Variants in PDE4D observed in about 807,000 individuals in gnomAD.
The protein encoded by PDE4D is phosphodiesterase 4D, also known as 3',5'-cyclic-AMP phosphodiesterase 4D.
In PDE4D, 24 loss-of-function variants were observed where a neutral mutation model predicts 87.4. The ratio of observed to expected loss-of-function variants is 0.27; its 90% CI spans 0.20 to 0.39. The LOEUF (loss-of-function observed/expected upper bound fraction) is 0.39, where lower values mean the gene tolerates loss of function less well. PDE4D is among the 10% of genes least tolerant of loss of function. The probability of loss-of-function intolerance (pLI) is 1.00; values close to 1 mark genes in which losing one functional copy is unlikely to be tolerated. For synonymous variants in PDE4D, 384 were observed against 383.2 expected, an observed-to-expected ratio of 1.00 and a Z score of -0.02; for missense variants, 714 against 1,041.0, an observed-to-expected ratio of 0.69 and a Z score of 4.32.
intron 1 of PDE4D, among the ~76,000 whole-genome samples, chr5:59,649,926 T>G (rs916499533): frequency 6.6e-5 from 9 of 136,274 alleles, no homozygotes; most frequent in African/African-American, 2.2e-4. Context: ...TTTTTTTTTT[T>G]TTTTTTAGCA....
chr5:59,123,592 CTT>C (rs1185815929), intron 5 of PDE4D, among the ~76,000 whole-genome samples: 3 of 152,128 alleles, frequency 2.0e-5, no homozygotes, highest in Admixed American at 2.0e-4. Flanking sequence ...AGTTTCCTGC[CTT>C]GGATATTGGA....
At position 60,322,379 on chromosome 5, in the gene PDE4D, C is replaced by G. The variant is rs886565145; in HGVS notation, c.-89-136692G>C. 7.9e-4 allele frequency among the ~76,000 whole-genome samples: 80 copies of G among 100,954 alleles called. No homozygotes were observed. The East Asian group carries it at 0.015, about 19-fold the overall frequency. 66.2% of individuals were successfully genotyped at this position (100,954 alleles called of 152,430 possible). On this transcript the variant is annotated intron_variant, in intron 1 of 16. Transcript: ENST00000502484. ...ATATGGACACACATACACACACACA[C>G]ACACACACACACACACACACACACA...
In PDE4D at chr5:59,762,315, TGG is replaced by T. The variant is rs1276960467; in HGVS notation, c.455+130851_455+130852del. 6.6e-4 allele frequency among the ~76,000 whole-genome samples: 97 copies of T among 147,992 alleles called. 3 individuals carry two copies. The highest frequency in any genetic ancestry group is 2.4e-3 in the African/African-American group (91 of 38,438). Reference sequence around the variant, plus strand: ...GTATATGGGTACACATATGCGTATATGGGTACACATATGCGTATATGGGTACA... The same window carrying T: ...GTATATGGGTACACATATGCGTATATGTACACATATGCGTATATGGGTACA... On this transcript the variant is annotated intron_variant, in intron 1 of 14. Coordinates refer to ENST00000340635, the MANE Select transcript of PDE4D (RefSeq NM_001104631.2).
At chr5:59,130,499 G>T (rs1246741071) in intron 5 of PDE4D, among the ~76,000 whole-genome samples, 4 of 152,140 alleles carry the variant, frequency 2.6e-5, no homozygotes, top group Admixed American at 2.0e-4. Context: ...TTTCTCCTTT[G>T]CAGGAATCCA....
chr5:60,415,555 A>G (rs1193379227), intron 1 of PDE4D, among the ~76,000 whole-genome samples: 2 of 152,192 alleles, frequency 1.3e-5, no homozygotes. Context: ...TGGGAGCGGC[A>G]GGCCGGCCCC....
At chr5:59,509,327 T>C (rs1306660761) in intron 1 of PDE4D, among the ~76,000 whole-genome samples, 2 of 150,052 alleles carry the variant, frequency 1.3e-5, no homozygotes, top group Non-Finnish European at 3.0e-5. Context: ...AATAAGATAG[T>C]AAGAAAACCA....
chr5:60,353,643 G>T (rs1583502353), intron 1 of PDE4D, among the ~76,000 whole-genome samples: 1 of 152,174 alleles, frequency 6.6e-6, no homozygotes, highest in Non-Finnish European at 1.5e-5. Flanking sequence ...CTCCAGGGAA[G>T]ACTAAGAGAT....
chr5:59,709,498 T>C (rs1753903632), intron 1 of PDE4D, among the ~76,000 whole-genome samples: 4 of 152,180 alleles, frequency 2.6e-5, no homozygotes, highest in Non-Finnish European at 4.4e-5. Context: ...AGCTTCCAGA[T>C]AGCCAGAAAC....
At chr5:59,887,220 T>C (rs908368889) in intron 1 of PDE4D, among the ~76,000 whole-genome samples, 1 of 152,132 alleles carries the variant, frequency 6.6e-6, no homozygotes, top group African/African-American at 2.4e-5. Context: ...AAGCAAATTT[T>C]ATAGAGTTCT....
At chr5:59,698,813 T>C (rs1027486928) in intron 1 of PDE4D, among the ~76,000 whole-genome samples, 1 of 152,174 alleles carries the variant, frequency 6.6e-6, no homozygotes, top group Admixed American at 6.6e-5. Flanking sequence ...ACTACCTTCA[T>C]TAGCACAGAC....
intron 1 of PDE4D, among the ~76,000 whole-genome samples, chr5:59,494,047 C>G (rs1806695793): frequency 6.6e-6 from 1 of 152,180 alleles, no homozygotes; most frequent in East Asian, 1.9e-4. Context: ...TGGCTTTGAC[C>G]CTAGTAACCC....
chr5:59,079,184 C>T (rs1346414870), intron 5 of PDE4D, among the ~76,000 whole-genome samples: 1 of 152,038 alleles, frequency 6.6e-6, no homozygotes, highest in Non-Finnish European at 1.5e-5. Flanking sequence ...AGAAAGACAG[C>T]AAGACTAAGG....
intron 5 of PDE4D, among the ~76,000 whole-genome samples, chr5:59,051,863 AACG>A (rs1281132917): frequency 6.6e-6 from 1 of 152,186 alleles, no homozygotes; most frequent in East Asian, 1.9e-4. Context: ...AATCTCCACT[AACG>A]ACATTTTATT....
chr5:59,570,164 C>G (rs1271098412), intron 1 of PDE4D, among the ~76,000 whole-genome samples: 1 of 152,056 alleles, frequency 6.6e-6, no homozygotes, highest in African/African-American at 2.4e-5. Context: ...TACCTTCTAG[C>G]CTTGTCTTAT....
chr5:60,421,833 G>A (rs1330928404), intron 1 of PDE4D, among the ~76,000 whole-genome samples: 1 of 152,194 alleles, frequency 6.6e-6, no homozygotes, highest in Non-Finnish European at 1.5e-5. Context: ...AATAAACAGT[G>A]TAGAGAAGAC....
chr5:59,863,508 C>A (rs985356939), intron 1 of PDE4D, among the ~76,000 whole-genome samples: 3 of 152,080 alleles, frequency 2.0e-5, no homozygotes, highest in African/African-American at 7.2e-5. Flanking sequence ...CACCGAATAT[C>A]TTTTAACTTC....
intron 1 of PDE4D, among the ~76,000 whole-genome samples, chr5:59,786,633 G>A (rs992768349): frequency 2.6e-5 from 4 of 152,206 alleles, no homozygotes; most frequent in Non-Finnish European, 5.9e-5. Flanking sequence ...GCACAAAAAA[G>A]TCTCATTGCC....
chr5:59,783,091 T>C (rs536179786), intron 1 of PDE4D, among the ~76,000 whole-genome samples: 1 of 152,338 alleles, frequency 6.6e-6, no homozygotes, highest in South Asian at 2.1e-4. Flanking sequence ...AAACAATGTC[T>C]GAACACATCA....
intron 3 of PDE4D, among the ~76,000 whole-genome samples, chr5:59,936,589 G>A (rs1020955147): frequency 6.6e-6 from 1 of 152,106 alleles, no homozygotes; most frequent in Non-Finnish European, 1.5e-5. Context: ...ATAATAACTG[G>A]GTTCTGAGAC....
Sources: allele counts gnomAD v4.1 joint callset (sites outside exome capture counted in the v4.1 genomes callset), GRCh38; gene constraint gnomAD v4.1.1; transcripts MANE v1.5; gene names NCBI Gene and HGNC (gene_info 2026-07-23, HGNC 2026-07-21).